TBX20: variants seen among roughly 807,000 people sequenced by gnomAD.
TBX20 encodes the protein T-box transcription factor 20.
In TBX20, 8 loss-of-function variants were observed where a neutral mutation model predicts 42.9. The observed-to-expected ratio is 0.19, with a 90% CI of 0.11 to 0.34. TBX20 has a LOEUF of 0.34. Among genes scored for constraint, TBX20 ranks in the 10% least tolerant of loss-of-function variants. The pLI is 1.00. For synonymous variants in TBX20, 198 were observed against 222.8 expected, an observed-to-expected ratio of 0.89 and a Z score of 0.99; for missense variants, 411 against 566.0, an observed-to-expected ratio of 0.73 and a Z score of 2.78.
chr7:35,234,276 T>C (rs911218901), intron 5 of TBX20, among the ~76,000 whole-genome samples: 3 of 152,216 alleles, frequency 2.0e-5, no homozygotes, highest in African/African-American at 7.2e-5. Flanking sequence ...ATTTTATCTC[T>C]GAAAAGAATT....
chr7:35,248,264 C>T (rs552808741), intron 3 of TBX20, among the ~76,000 whole-genome samples: 43 of 152,186 alleles, frequency 2.8e-4, no homozygotes, highest in African/African-American at 9.2e-4. Flanking sequence ...CTGTAAGCAA[C>T]GATTTTACTA....
rs943212552 is a variant in TBX20, at chr7:35,253,847, G to T, written c.-227C>A. On this transcript the variant is annotated 5_prime_UTR_variant, in exon 1 of 8. Transcript: ENST00000408931. Reference sequence around the variant, plus strand: ...AGAGACTTCGAAGGCAGCCGGAGAGGAGAGGGCCCACCGAGCACTACGGCG... The same window carrying T: ...AGAGACTTCGAAGGCAGCCGGAGAGTAGAGGGCCCACCGAGCACTACGGCG... The T allele has an allele frequency of 1.4e-5, 8 of 571,672 alleles. No homozygotes were observed. Among genetic ancestry groups the T allele is most frequent in the Non-Finnish European group, 2.4e-5 (8 of 328,996 alleles). 35.4% of individuals were successfully genotyped at this position (571,672 alleles called of 1,614,324 possible).
At chr7:35,230,898 T>C (rs1191908971) in intron 6 of TBX20, among the ~76,000 whole-genome samples, 2 of 152,214 alleles carry the variant, frequency 1.3e-5, no homozygotes, top group Non-Finnish European at 2.9e-5. Context: ...CATATAGTCA[T>C]TACTCATCAC....
At chr7:35,208,908 T>C (rs1185108273) in intron 6 of TBX20, among the ~76,000 whole-genome samples, 2 of 152,218 alleles carry the variant, frequency 1.3e-5, no homozygotes, top group Non-Finnish European at 2.9e-5. Context: ...CTTCTATTCC[T>C]AGTTTGCTGA....
chr7:35,222,342 T>C (rs1022479141), intron 6 of TBX20, among the ~76,000 whole-genome samples: 4 of 152,082 alleles, frequency 2.6e-5, no homozygotes, highest in Non-Finnish European at 4.4e-5. Flanking sequence ...AAAAACTTGA[T>C]AAATATAACA....
chr7:35,220,695 G>A (rs759793454), intron 6 of TBX20, among the ~76,000 whole-genome samples: 2 of 152,114 alleles, frequency 1.3e-5, no homozygotes, highest in Non-Finnish European at 2.9e-5. Context: ...TTCTACAGAT[G>A]AGCTAAAGAA....
At chr7:35,230,499 A>G (rs1435042552) in intron 6 of TBX20, among the ~76,000 whole-genome samples, 1 of 152,048 alleles carries the variant, frequency 6.6e-6, no homozygotes, top group Non-Finnish European at 1.5e-5. Context: ...TGAGCCTCTA[A>G]GTCTGTTCCC....
chr7:35,240,290 A>G (rs1334163240), intron 5 of TBX20, among the ~76,000 whole-genome samples: 1 of 152,168 alleles, frequency 6.6e-6, no homozygotes, highest in Non-Finnish European at 1.5e-5. Context: ...CAGATTTTGG[A>G]GCATTCAGAT....
intron 6 of TBX20, among the ~76,000 whole-genome samples, chr7:35,212,158 A>G (rs1361920699): frequency 6.6e-6 from 1 of 152,114 alleles, no homozygotes; most frequent in East Asian, 1.9e-4. Context: ...TTCTATCACT[A>G]TATCTTCAAG....
At chr7:35,227,336 T>G (rs751128188) in intron 6 of TBX20, among the ~76,000 whole-genome samples, 1 of 152,156 alleles carries the variant, frequency 6.6e-6, no homozygotes, top group African/African-American at 2.4e-5. Context: ...TCTACAGTAG[T>G]GTACAGTAAT....
intron 7 of TBX20, among the ~76,000 whole-genome samples, chr7:35,203,138 T>C (rs1411069356): frequency 6.6e-6 from 1 of 152,204 alleles, no homozygotes; most frequent in Non-Finnish European, 1.5e-5. Context: ...GAAGGCTGAA[T>C]GTAAGAAATA....
At chr7:35,231,436 T>C in intron 6 of TBX20, 68 bp downstream of exon 6, 1 of 1,026,492 alleles carries the variant, frequency 9.7e-7, no homozygotes, top group Middle Eastern at 2.0e-4. Context: ...GAAAGGAGTG[T>C]GTTGTTACAA....
In TBX20 at chr7:35,202,599, C is replaced by A. The variant is rs768119874; in HGVS notation, c.1175G>T (p.Arg392Leu). The A allele has an allele frequency of 3.7e-6, 6 of 1,613,912 alleles. No homozygotes were observed. Among genetic ancestry groups the A allele is most frequent in the Non-Finnish European group, 5.1e-6 (6 of 1,179,908 alleles). ...PIQGSLPPYS[R>L]LGMPLTPSAI... ...CGATGGTGTCAGAGGCATTCCCAGT[C>A]GGCTATATGGTGGCAGAGAACCCTG... Residue 392 changes from arginine to leucine, a missense_variant, in exon 8 of 8, where the codon CGA becomes CTA. By Grantham distance (102) the Arg-to-Leu change is moderately radical. This residue lies in a region of TBX20 where 162 missense variants were observed against 205.4 expected (regional missense o/e 0.79). Coordinates refer to ENST00000408931, the MANE Select transcript of TBX20 (RefSeq NM_001077653.2).
At chr7:35,220,762 G>A (rs1789668670) in intron 6 of TBX20, among the ~76,000 whole-genome samples, 1 of 152,196 alleles carries the variant, frequency 6.6e-6, no homozygotes, top group Non-Finnish European at 1.5e-5. Flanking sequence ...GTTATTAACA[G>A]AGCAGAACAA....
intron 6 of TBX20, among the ~76,000 whole-genome samples, chr7:35,227,113 A>G (rs750343494): frequency 1.2e-4 from 19 of 152,108 alleles, no homozygotes; most frequent in Non-Finnish European, 2.5e-4. Flanking sequence ...AAAAATTGAA[A>G]AAACTTACGG....
intron 6 of TBX20, among the ~76,000 whole-genome samples, chr7:35,205,678 G>A (rs1425998227): frequency 6.6e-6 from 1 of 152,118 alleles, no homozygotes; most frequent in East Asian, 1.9e-4. Context: ...AGTAAATTTG[G>A]TGTTGTAGAA....
intron 1 of TBX20, 110 bp from the exon 2 acceptor site, chr7:35,250,313 G>T: frequency 7.6e-7 from 1 of 1,316,806 alleles, no homozygotes. Context: ...GAAAAGTTAA[G>T]CTCAGAAACT....
intron 3 of TBX20, among the ~76,000 whole-genome samples, chr7:35,247,568 A>C (rs180917691): frequency 6.6e-6 from 1 of 152,294 alleles, no homozygotes; most frequent in Admixed American, 6.5e-5. Context: ...AATTAAGCTG[A>C]ATATTCTATC....
intron 6 of TBX20, among the ~76,000 whole-genome samples, chr7:35,230,007 A>G (rs1185545458): frequency 6.6e-6 from 1 of 152,030 alleles, no homozygotes; most frequent in Non-Finnish European, 1.5e-5. Context: ...CTCCCAATAT[A>G]TCACGTGTAC....
Sources: allele counts gnomAD v4.1 joint callset (sites outside exome capture counted in the v4.1 genomes callset), GRCh38; gene constraint gnomAD v4.1.1; regional missense constraint gnomAD v4.1.1; transcripts MANE v1.5; gene names NCBI Gene and HGNC (gene_info 2026-07-23, HGNC 2026-07-21).